The following TTI1 variants were observed in gnomAD, a reference collection of about 807,000 sequenced individuals.
TTI1 encodes the protein TELO2 interacting protein 1, also known as TELO2-interacting protein 1 homolog.
A neutral mutation model predicts 85.4 loss-of-function variants in TTI1; 52 were observed. The ratio of observed to expected loss-of-function variants is 0.61; its 90% confidence interval spans 0.49 to 0.77. The LOEUF (loss-of-function observed/expected upper bound fraction) is 0.77. Ranked by LOEUF, TTI1 falls within the 30% of genes least tolerant of loss-of-function variation. The pLI is 0.00. For synonymous variants in TTI1, 512 were observed against 503.9 expected, an observed-to-expected ratio of 1.02 and a Z score of -0.22; for missense variants, 1,173 against 1,296.0, an observed-to-expected ratio of 0.91 and a Z score of 1.46.
At position 38,027,601 on chromosome 20, in the gene TTI1, T is replaced by C. The variant is rs116355401; in HGVS notation, c.-42+5803A>G. On this transcript the variant is annotated intron_variant, in intron 1 of 7. Transcript: ENST00000373447. Reference sequence around the variant, plus strand: ...TGTATTATATGCTGTGTTCTTACAATAAAACAAGCTACAGAAAAGAAAACG... The same window carrying C: ...TGTATTATATGCTGTGTTCTTACAACAAAACAAGCTACAGAAAAGAAAACG... 6.2e-3 allele frequency among the ~76,000 whole-genome samples: 940 copies of C among 152,264 alleles called. 7 individuals are homozygous for C. Among genetic ancestry groups the C allele is most frequent in the African/African-American group, 0.022 (896 of 41,536 alleles).
In TTI1 at chr20:38,013,045, C is replaced by T; in HGVS notation, c.772G>A (p.Val258Ile). ...TGCTCAACTGCAGGTTTTGCTTGGA[C>T]CTTTGAGATTCTTTTGAGCTGTTCA... is the stretch of plus-strand genomic sequence containing the variant. ...ADEQLKRISKVQAKPAVEHRV... is the reference protein window; with the variant it reads ...ADEQLKRISKIQAKPAVEHRV... The change falls in exon 2 of 8, where the codon GTC (valine) becomes ATC (isoleucine). Residue 258 changes from valine to isoleucine, a missense_variant. Physicochemically the swap from Val to Ile is conservative, Grantham distance 29. Coordinates refer to ENST00000373447, the MANE Select transcript of TTI1 (RefSeq NM_001303457.2). 6.2e-7 allele frequency: 1 copy of T among 1,614,112 alleles called. No individual in the cohort carries two copies. Among genetic ancestry groups the T allele is most frequent in the Non-Finnish European group, 8.5e-7 (1 of 1,180,030 alleles).
At chr20:37,984,083 A>G (rs2073158711) in intron 7 of TTI1, among the ~76,000 whole-genome samples, 1 of 152,072 alleles carries the variant, frequency 6.6e-6, no homozygotes, top group Non-Finnish European at 1.5e-5. Flanking sequence ...GGGGGCCCTG[A>G]GCAAGCCTTA....
chr20:38,013,070 A>G lies in TTI1; in HGVS notation c.747T>C (p.Asp249=), dbSNP rs745749435. The change falls in exon 2 of 8, where the codon GAT becomes GAC. Residue 249 remains aspartate (D), a synonymous_variant. Coordinates refer to ENST00000373447, the MANE Select transcript of TTI1 (RefSeq NM_001303457.2). ...FYKTVSFIMA[D]EQLKRISKVQ... ...CCTTTGAGATTCTTTTGAGCTGTTC[A>G]TCAGCCATAATGAAGCTCACTGTCT... The G allele has an allele frequency of 6.2e-7, 1 of 1,614,190 alleles. No homozygotes were observed. Among genetic ancestry groups the G allele is most frequent in the Non-Finnish European group, 8.5e-7 (1 of 1,180,040 alleles).
chr20:38,027,913 G>A (rs1049119611), intron 1 of TTI1, among the ~76,000 whole-genome samples: 6 of 152,092 alleles, frequency 3.9e-5, no homozygotes, highest in Admixed American at 2.6e-4. Context: ...GACAGAGCGA[G>A]GCTCCATCTC....
At chr20:37,997,302 T>G (rs978788815) in intron 5 of TTI1, among the ~76,000 whole-genome samples, 5 of 151,980 alleles carry the variant, frequency 3.3e-5, no homozygotes, top group Non-Finnish European at 7.4e-5. Flanking sequence ...GATCATTTCT[T>G]GAATCTTCCT....
Position 38,013,150 on chromosome 20 carries a change from CTG to C in TTI1, c.665_666del (p.Thr222ArgfsTer4). 2.5e-6 allele frequency: 4 copies of C among 1,614,112 alleles called. No homozygotes were observed. Among genetic ancestry groups the C allele is most frequent in the Non-Finnish European group, 3.4e-6 (4 of 1,180,028 alleles). On this transcript the variant is annotated frameshift_variant, in exon 2 of 8. Transcript: ENST00000373447. LOFTEE classifies it high-confidence loss of function. ...ATGCTGTGACCTTGTTTAAAGTCTC[CTG>C]TGATAAGCCTGGTCAGTGCAGTTGA... ...GISTALTRLI[T>X]GDFKQGHSIV...
Position 38,006,371 on chromosome 20 carries a change from G to A in TTI1, c.2329C>T (p.Leu777Phe), listed in dbSNP as rs775953527. The A allele has an allele frequency of 1.9e-6, 3 of 1,614,160 alleles. No homozygotes were observed. Among genetic ancestry groups the A allele is most frequent in the Non-Finnish European group, 2.5e-6 (3 of 1,180,020 alleles). The change falls in exon 3 of 8, where the codon CTT becomes TTT. Residue 777 changes from leucine to phenylalanine, a missense_variant. Coordinates refer to ENST00000373447, the MANE Select transcript of TTI1 (RefSeq NM_001303457.2). ...AAACTTTGCTCTTGGAGGTGCCCAAGATTACCTGTGTCTGGGAACCACTGG... is the reference window on the plus strand; with the variant it reads ...AAACTTTGCTCTTGGAGGTGCCCAAAATTACCTGTGTCTGGGAACCACTGG... ...LAQWFPDTGN[L>F]GHLQEQSLGE...
intron 1 of TTI1, among the ~76,000 whole-genome samples, chr20:38,020,323 A>AAAAAAAATATATATATAT: frequency 1.4e-4 from 7 of 50,384 alleles, no homozygotes; most frequent in Non-Finnish European, 1.8e-4. Flanking sequence ...AAAAAAAAAA[A>AAAAAAAATATATATATAT]ATATATATAT....
At chr20:38,007,630 C>T (rs924581797) in intron 2 of TTI1, among the ~76,000 whole-genome samples, 2 of 152,246 alleles carry the variant, frequency 1.3e-5, no homozygotes, top group African/African-American at 4.8e-5. Context: ...CTGAAAATCA[C>T]TGCTCTGGTC....
At position 37,986,355 on chromosome 20, in the gene TTI1, C is replaced by T. The variant is rs574183297; in HGVS notation, c.3087-2716G>A. 9.3e-4 allele frequency among the ~76,000 whole-genome samples: 141 copies of T among 152,260 alleles called. 1 individual carries two copies. The South Asian group carries it at 0.018, about 19-fold the overall frequency. The stretch of plus-strand genomic sequence containing the variant: ...TTTTTAACATGCTAAATATGAATGT[C>T]GTATTTGTTGGCAGGAAAGGAAAAG... On this transcript the variant is annotated intron_variant, in intron 7 of 7. Transcript: ENST00000373447.
intron 1 of TTI1, among the ~76,000 whole-genome samples, chr20:38,024,701 T>C (rs1411324131): frequency 6.6e-6 from 1 of 152,152 alleles, no homozygotes; most frequent in South Asian, 2.1e-4. Flanking sequence ...AAAGGCTGAT[T>C]GGAGAGCCTA....
chr20:38,013,195 AG>A lies in TTI1; in HGVS notation c.621del (p.Ser208LeufsTer10). ...GCAGTTGAGATTCCAGGTAAAAAAG[AG>A]GCAAACAAATCCCCCAGCTGCTTTT... ...LEQKQLGDLF[A>X]SFLPGISTAL... On this transcript the variant is annotated frameshift_variant, in exon 2 of 8. Coordinates refer to ENST00000373447, the MANE Select transcript of TTI1 (RefSeq NM_001303457.2). LOFTEE classifies it high-confidence loss of function. 1.9e-6 allele frequency: 3 copies of A among 1,614,178 alleles called. No homozygotes were observed. The highest frequency in any genetic ancestry group is 2.5e-6 in the Non-Finnish European group (3 of 1,180,052).
At chr20:37,995,579 G>C (rs2073326934) in intron 7 of TTI1, among the ~76,000 whole-genome samples, 1 of 152,268 alleles carries the variant, frequency 6.6e-6, no homozygotes, top group Non-Finnish European at 1.5e-5. Context: ...CCTACCCTGG[G>C]ATGGCAGTTC....
chr20:37,990,370 G>T (rs963371534), intron 7 of TTI1, among the ~76,000 whole-genome samples: 1 of 152,172 alleles, frequency 6.6e-6, no homozygotes, highest in Non-Finnish European at 1.5e-5. Context: ...CGTCATTGTA[G>T]TAGGTGAAAT....
chr20:38,023,411 C>T (rs1029733149), intron 1 of TTI1, among the ~76,000 whole-genome samples: 7 of 152,216 alleles, frequency 4.6e-5, no homozygotes, highest in African/African-American at 1.4e-4. Context: ...TGGGAATCTA[C>T]AATTTTAAAA....
In TTI1 at chr20:38,012,820, G is replaced by A. The variant is rs1192885434; in HGVS notation, c.997C>T (p.Leu333=). The A allele has an allele frequency of 8.1e-6, 13 of 1,614,178 alleles. No homozygotes were observed. Among genetic ancestry groups the A allele is most frequent in the African/African-American group, 8.0e-5 (6 of 75,044 alleles). ...QSLVECAGPL[L]KALVGLVNDE... ...TTTACTAGTCCCACTAAGGCCTTCA[G>A]AAGGGGACCAGCACATTCGACCAAT... Residue 333 remains leucine, a synonymous_variant, in exon 2 of 8, where the codon CTG becomes TTG. Transcript: ENST00000373447.
In TTI1 at chr20:38,030,316, C is replaced by T. The variant is rs372939488; in HGVS notation, c.-42+3088G>A. Among the ~76,000 whole-genome samples, 5 of 151,760 alleles carry T rather than the reference C, an allele frequency of 3.3e-5. No individual in the cohort carries two copies. In the East Asian group the frequency reaches 5.8e-4, roughly 18 times the overall value. ...CCAAGATGGTTTCATTGGAGAATTC[C>T]GCCAAACATTTAATGAAGAATTAAC... is the stretch of plus-strand genomic sequence containing the variant. On this transcript the variant is annotated intron_variant, in intron 1 of 7. Coordinates refer to ENST00000373447, the MANE Select transcript of TTI1 (RefSeq NM_001303457.2).
At position 38,012,141 on chromosome 20, in the gene TTI1, G is replaced by C. The variant is rs2122584295; in HGVS notation, c.1676C>G (p.Ser559Cys). ...TTGACTTGTGTATTCTTCAAGTATAGATGTCACAATCTCTCTCAGTTCTTC... is the reference window on the plus strand; with the variant it reads ...TTGACTTGTGTATTCTTCAAGTATACATGTCACAATCTCTCTCAGTTCTTC... ...NPEELREIVT[S>C]ILEEYTSQEN... The change falls in exon 2 of 8, where the codon TCT becomes TGT. Residue 559 changes from serine (S) to cysteine (C), a missense_variant. By Grantham distance (112) the Ser-to-Cys change is moderately radical. Coordinates refer to ENST00000373447, the MANE Select transcript of TTI1 (RefSeq NM_001303457.2). 1.2e-6 allele frequency: 2 copies of C among 1,614,170 alleles called. No individual in the cohort carries two copies.
intron 1 of TTI1, among the ~76,000 whole-genome samples, chr20:38,020,323 AATATATATATAT>A (rs1159604655): frequency 2.0e-5 from 1 of 50,382 alleles, no homozygotes; most frequent in Non-Finnish European, 3.6e-5. Flanking sequence ...AAAAAAAAAA[AATATATATATAT>A]ATATATATAT....
Sources: allele counts gnomAD v4.1 joint callset (sites outside exome capture counted in the v4.1 genomes callset), GRCh38; gene constraint gnomAD v4.1.1; transcripts MANE v1.5; gene names NCBI Gene and HGNC (gene_info 2026-07-23, HGNC 2026-07-21).